NPRL3: variants seen among roughly 807,000 people sequenced by gnomAD.
The protein encoded by NPRL3 is GATOR1 complex protein NPRL3.
Under a neutral mutation model 57.2 loss-of-function variants are expected in NPRL3, and 23 were observed. That is an observed-to-expected ratio of 0.40 (90% CI 0.29 to 0.57). The LOEUF (loss-of-function observed/expected upper bound fraction) is 0.57, where lower values mean the gene tolerates loss of function less well. NPRL3 is among the 20% of genes least tolerant of loss of function. The probability of loss-of-function intolerance (pLI) is 0.42; values close to 1 mark genes in which losing one functional copy is unlikely to be tolerated. For missense variants in NPRL3, 691 were observed against 767.1 expected (o/e 0.90, Z 1.17); for synonymous variants, 333 against 321.1 (o/e 1.04, Z -0.39).
At chr16:137,103 C>G (rs1199113402) in intron 2 of NPRL3, among the ~76,000 whole-genome samples, 1 of 151,640 alleles carries the variant, frequency 6.6e-6, no homozygotes, top group Non-Finnish European at 1.5e-5. Flanking sequence ...CCCTGTAGCC[C>G]CAGCTACTTG....
intron 2 of NPRL3, 82 bp from the exon 3 acceptor site, chr16:130,673 C>T (rs920611820): frequency 2.3e-6 from 3 of 1,330,126 alleles, no homozygotes; most frequent in Non-Finnish European, 3.1e-6. Context: ...CGTTAACAGC[C>T]ATGTTTTCCA....
chr16:137,987 A>AT (rs2141994981), intron 2 of NPRL3, among the ~76,000 whole-genome samples, 163 bp downstream of exon 2: 1 of 151,724 alleles, frequency 6.6e-6, no homozygotes, highest in South Asian at 2.1e-4. Context: ...ACAATGCATG[A>AT]TTTTAATTTT....
Position 88,747 on chromosome 16 carries a change from G to T in NPRL3, c.1495C>A (p.Leu499Ile). Reference protein sequence around the residue: ...SLSEHERAAILSVPAAQNPED... With the variant: ...SLSEHERAAIISVPAAQNPED... ...GGGTTCTGGGCTGCGGGTACACTGA[G>T]GATGGCTGCGCGTTCATGCTCCGAC... The change falls in exon 13 of 14, where the codon CTC becomes ATC. Residue 499 changes from leucine (L) to isoleucine (I), a missense_variant. Coordinates refer to ENST00000611875, the MANE Select transcript of NPRL3 (RefSeq NM_001077350.3). 6.2e-7 allele frequency: 1 copy of T among 1,613,690 alleles called. No homozygotes were observed. The highest frequency in any genetic ancestry group is 8.5e-7 in the Non-Finnish European group (1 of 1,179,774).
chr16:88,511 T>C (rs1596494672), intron 13 of NPRL3, among the ~76,000 whole-genome samples, 187 bp downstream of exon 13: 1 of 151,758 alleles, frequency 6.6e-6, no homozygotes, highest in Non-Finnish European at 1.5e-5. Flanking sequence ...GGCGTCTTGG[T>C]GACAAGCCGA....
Position 112,793 on chromosome 16 carries a change from T to C in NPRL3, c.394-18A>G, listed in dbSNP as rs759811225. ...GCGTTGGCCTGCAGGAGAGAGACCA[T>C]ACACAGACTCAAACGTGTGCACAGG... On this transcript the variant is annotated intron_variant, in intron 5 of 13. Coordinates refer to ENST00000611875, the MANE Select transcript of NPRL3 (RefSeq NM_001077350.3). 2.5e-6 allele frequency: 4 copies of C among 1,569,168 alleles called. No homozygotes were observed. Among genetic ancestry groups the C allele is most frequent in the East Asian group, 2.3e-5 (1 of 44,048 alleles).
In NPRL3 at chr16:93,284, G is replaced by C; in HGVS notation, c.966C>G (p.Ala322=). 1 of 1,560,992 alleles carries C rather than the reference G, an allele frequency of 6.4e-7. No individual in the cohort carries two copies. The highest frequency in any genetic ancestry group is 8.7e-7 in the Non-Finnish European group (1 of 1,152,402). ...LAAHLVYWGK[A]IIIYPLCENN... is the part of the protein sequence containing the mutation. ...TCTCACACAGCGGGTAGATGATGATGGCCTTGCCCCAGTACACCAGATGAG... is the reference window on the plus strand; with the variant it reads ...TCTCACACAGCGGGTAGATGATGATCGCCTTGCCCCAGTACACCAGATGAG... The change falls in exon 10 of 14, where the codon GCC becomes GCG. Residue 322 remains alanine, a synonymous_variant. Coordinates refer to ENST00000611875, the MANE Select transcript of NPRL3 (RefSeq NM_001077350.3).
chr16:97,410 ATTTT>A (rs34410203), intron 9 of NPRL3, among the ~76,000 whole-genome samples: 12 of 115,086 alleles, frequency 1.0e-4, no homozygotes, highest in Middle Eastern at 9.6e-3. Context: ...ACACCCAGCT[ATTTT>A]TTTTTTTTTT....
At chr16:114,171 T>C (rs1899933213) in intron 5 of NPRL3, among the ~76,000 whole-genome samples, 1 of 152,204 alleles carries the variant, frequency 6.6e-6, no homozygotes, top group South Asian at 2.1e-4. Flanking sequence ...GGCACAACAG[T>C]GTCCATGAGT....
At chr16:130,299 A>G (rs1467519528) in intron 3 of NPRL3, among the ~76,000 whole-genome samples, 1 of 152,166 alleles carries the variant, frequency 6.6e-6, no homozygotes, top group East Asian at 1.9e-4. Flanking sequence ...TGCTTCACCC[A>G]CCAGACAAGC....
At chr16:99,257 A>G (rs978815074) in intron 8 of NPRL3, among the ~76,000 whole-genome samples, 2 of 152,214 alleles carry the variant, frequency 1.3e-5, no homozygotes, top group African/African-American at 4.8e-5. Context: ...CAATGTGCCC[A>G]GATATATTTT....
In NPRL3 at chr16:86,498, A is replaced by G; in HGVS notation, c.*207T>C. On this transcript the variant is annotated 3_prime_UTR_variant, in exon 14 of 14. Coordinates refer to ENST00000611875, the MANE Select transcript of NPRL3 (RefSeq NM_001077350.3). ...AAGGACTGGAGGGAAGCGTAGGAAC[A>G]CAGAGGGCAGCAGCCCCACAGCGGA... The G allele has an allele frequency of 1.7e-6, 1 of 577,278 alleles. No homozygotes were observed. The highest frequency in any genetic ancestry group is 3.1e-6 in the Non-Finnish European group (1 of 324,842). 35.8% of individuals were successfully genotyped at this position (577,278 alleles called of 1,614,324 possible).
Position 89,779 on chromosome 16 carries a change from G to A in NPRL3, c.1285C>T (p.Pro429Ser). The A allele has an allele frequency of 6.2e-7, 1 of 1,601,744 alleles. No homozygotes were observed. The stretch of plus-strand genomic sequence containing the variant: ...CGACCGCCGACCCGGGCAGTGAAGG[G>A]GACGTCGTCCTCTCGCGGACGGGGC... ...EEPRPREDDV[P>S]FTARVGGRSL... is the part of the protein sequence containing the mutation. The change falls in exon 12 of 14, where the codon CCC (proline) becomes TCC (serine). Residue 429 changes from proline to serine, a missense_variant. Pro to Ser is a moderately conservative substitution (Grantham distance 74). Coordinates refer to ENST00000611875, the MANE Select transcript of NPRL3 (RefSeq NM_001077350.3).
intron 7 of NPRL3, among the ~76,000 whole-genome samples, chr16:103,142 A>AT (rs993958109): frequency 4.2e-4 from 62 of 147,276 alleles, no homozygotes; most frequent in African/African-American, 1.4e-3. Context: ...TAAAAGGTCT[A>AT]TTTTTTTTTT....
intron 3 of NPRL3, among the ~76,000 whole-genome samples, chr16:122,608 C>A (rs1042319044): frequency 1.3e-5 from 2 of 152,140 alleles, no homozygotes; most frequent in African/African-American, 4.8e-5. Flanking sequence ...CACAATAAAA[C>A]ATCTGTTACA....
At chr16:102,494 A>T (rs903864559) in intron 7 of NPRL3, among the ~76,000 whole-genome samples, 3 of 152,234 alleles carry the variant, frequency 2.0e-5, no homozygotes, top group Admixed American at 6.5e-5. Context: ...AAATAGGAGC[A>T]AAACACACAC....
rs34425237 is a variant in NPRL3, at chr16:134,694, A to ATT, written c.118+3454_118+3455dup. Among the ~76,000 whole-genome samples, 707 of 103,334 alleles carry ATT rather than the reference A, an allele frequency of 6.8e-3. 4 individuals are homozygous for ATT. The highest frequency in any genetic ancestry group is 9.8e-3 in the Non-Finnish European group (489 of 50,138). 67.8% of individuals were successfully genotyped at this position (103,334 alleles called of 152,430 possible). On this transcript the variant is annotated intron_variant, in intron 2 of 13. Coordinates refer to ENST00000611875, the MANE Select transcript of NPRL3 (RefSeq NM_001077350.3). ...ACATAAAGTCACAGTAATTATTATT[A>ATT]TTTTTTTTTTTTTTTTTTTTTTTTT...
At chr16:92,864 A>T in intron 10 of NPRL3, 139 bp from the exon 11 acceptor site, 7 of 1,097,850 alleles carry the variant, frequency 6.4e-6, no homozygotes, top group Non-Finnish European at 9.1e-6. Context: ...GTATGAGGCC[A>T]GGCAGGCCTC....
intron 9 of NPRL3, among the ~76,000 whole-genome samples, chr16:95,647 G>A (rs183540961): frequency 6.6e-6 from 1 of 152,172 alleles, no homozygotes; most frequent in Admixed American, 6.5e-5. Context: ...ACAATTCACT[G>A]CAGCCTCGAA....
chr16:86,905 C>T (rs1024617484), intron 13 of NPRL3, 35 bp from the exon 14 acceptor site: 1 of 1,595,056 alleles, frequency 6.3e-7, no homozygotes, highest in Non-Finnish European at 8.5e-7. Flanking sequence ...CCCAACCTGA[C>T]ACCAGCCCCC....
Sources: allele counts gnomAD v4.1 joint callset (sites outside exome capture counted in the v4.1 genomes callset), GRCh38; gene constraint gnomAD v4.1.1; transcripts MANE v1.5; gene names NCBI Gene and HGNC (gene_info 2026-07-23, HGNC 2026-07-21).